The following BCAP31 variants were observed in gnomAD, a reference collection of about 807,000 sequenced individuals.
BCAP31 encodes the protein B-cell receptor-associated protein 31.
For missense variants in BCAP31, 124 were observed against 193.0 expected, an observed-to-expected ratio of 0.64 and a Z score of 2.12; for synonymous variants, 75 against 80.9, an observed-to-expected ratio of 0.93 and a Z score of 0.39.
chrX:153,720,568 T>C (rs1020844357), intron 3 of BCAP31, among the ~76,000 whole-genome samples: 2 of 111,583 alleles, frequency 1.8e-5, no homozygotes, highest in Non-Finnish European at 3.8e-5. Flanking sequence ...TTCACCACGT[T>C]GGCCAGGCTG....
chrX:153,711,098 C>T (rs1284336688), intron 4 of BCAP31, among the ~76,000 whole-genome samples: 3 of 112,122 alleles, frequency 2.7e-5, no homozygotes, highest in Non-Finnish European at 5.6e-5. Flanking sequence ...CACTCTGCAA[C>T]CAGCCCTCAC....
intron 7 of BCAP31, among the ~76,000 whole-genome samples, chrX:153,701,659 C>A (rs1379751865): frequency 8.9e-6 from 1 of 112,921 alleles, no homozygotes; most frequent in African/African-American, 3.2e-5. Flanking sequence ...CACTCCCCAG[C>A]ACCCTAGGAA....
At chrX:153,702,275 A>ATTTG (rs2091523672) in intron 6 of BCAP31, 168 bp from the exon 7 acceptor site, 4 of 430,042 alleles carry the variant, frequency 9.3e-6, no homozygotes, top group Non-Finnish European at 1.6e-5. Context: ...AGGCCCCCAA[A>ATTTG]GTAGAGGGAA....
At chrX:153,723,619 G>A (rs1411090338) in intron 1 of BCAP31, 2 of 1,167,817 alleles carry the variant, frequency 1.7e-6, no homozygotes, top group East Asian at 3.3e-5. Context: ...CGTTCTTCGG[G>A]AAGAGCAGTG....
chrX:153,722,552 A>G (rs2091674433), intron 2 of BCAP31, among the ~76,000 whole-genome samples: 1 of 112,368 alleles, frequency 8.9e-6, no homozygotes, highest in South Asian at 3.6e-4. Flanking sequence ...TTTTCACGAA[A>G]AAACGGCTTT....
intron 4 of BCAP31, among the ~76,000 whole-genome samples, chrX:153,714,569 A>C (rs1295404338): frequency 9.0e-6 from 1 of 111,054 alleles, no homozygotes; most frequent in Non-Finnish European, 1.9e-5. Context: ...ACAGATTTTA[A>C]GACAAGTAGT....
chrX:153,715,311 TGTGTGAGG>T (rs2091619311), intron 4 of BCAP31: 1 of 424,014 alleles, frequency 2.4e-6, no homozygotes, highest in Admixed American at 4.1e-5. Context: ...GAGTATGTGG[TGTGTGAGG>T]GTCTTCTGAT....
intron 4 of BCAP31, among the ~76,000 whole-genome samples, chrX:153,709,468 T>C (rs1557048764): frequency 8.9e-6 from 1 of 111,896 alleles, no homozygotes; most frequent in Non-Finnish European, 1.9e-5. Flanking sequence ...GCAGTGCAGG[T>C]CCTCTGAACA....
At chrX:153,714,544 C>G (rs952691969) in intron 4 of BCAP31, among the ~76,000 whole-genome samples, 1 of 110,821 alleles carries the variant, frequency 9.0e-6, no homozygotes, top group Admixed American at 9.6e-5. Context: ...CAGAGAGTAC[C>G]AGATCATCTA....
At chrX:153,706,719 T>C (rs2091557290) in intron 4 of BCAP31, among the ~76,000 whole-genome samples, 1 of 112,642 alleles carries the variant, frequency 8.9e-6, no homozygotes, top group Non-Finnish European at 1.9e-5. Context: ...GGCCTTCCCT[T>C]GTCCTGCCTG....
intron 4 of BCAP31, among the ~76,000 whole-genome samples, chrX:153,714,482 G>A (rs1200509228): frequency 8.1e-5 from 9 of 111,062 alleles, no homozygotes; most frequent in Non-Finnish European, 1.9e-5. Context: ...CCATTATCTT[G>A]AAAAAAATGT....
At chrX:153,721,147 GA>G (rs1313599135) in intron 2 of BCAP31, 175 bp from the exon 3 acceptor site, 25 of 429,188 alleles carry the variant, frequency 5.8e-5, no homozygotes, top group Non-Finnish European at 9.6e-5. Context: ...AAGACTATTG[GA>G]AAAAAGGCCA....
intron 5 of BCAP31, among the ~76,000 whole-genome samples, chrX:153,703,498 G>A (rs781889819): frequency 3.6e-4 from 41 of 113,101 alleles, no homozygotes; most frequent in Admixed American, 1.8e-3. Flanking sequence ...ACATCCCTCC[G>A]AGCTTGCCTT....
chrX:153,723,281 C>T lies in BCAP31; in HGVS notation c.-37G>A. On this transcript the variant is annotated 5_prime_UTR_variant, in exon 2 of 8. Transcript: ENST00000345046. The stretch of plus-strand genomic sequence containing the variant: ...AAGGTTTCCCACAGGAAGATGTGAG[C>T]TTGTTTCCTGGCAGGGCACAAAAGG... 8.3e-7 allele frequency: 1 copy of T among 1,198,747 alleles called. No individual in the cohort carries two copies. Among genetic ancestry groups the T allele is most frequent in the Non-Finnish European group, 1.1e-6 (1 of 888,617 alleles).
chrX:153,715,012 T>C (rs1349464472), intron 4 of BCAP31, among the ~76,000 whole-genome samples: 2 of 111,628 alleles, frequency 1.8e-5, no homozygotes, highest in African/African-American at 6.5e-5. Flanking sequence ...TTAAGGTACT[T>C]AGTTTTACCA....
At chrX:153,711,457 G>C (rs1557049133) in intron 4 of BCAP31, among the ~76,000 whole-genome samples, 1 of 112,486 alleles carries the variant, frequency 8.9e-6, no homozygotes, top group Non-Finnish European at 1.9e-5. Context: ...ATACCCACTA[G>C]GCAGGCTCTC....
intron 1 of BCAP31, chrX:153,723,967 T>A (rs1273788391): frequency 2.4e-6 from 1 of 425,391 alleles, no homozygotes; most frequent in Non-Finnish European, 4.3e-6. Flanking sequence ...CAAGGCCCCA[T>A]ACGGAGAAAG....
intron 4 of BCAP31, among the ~76,000 whole-genome samples, chrX:153,712,944 G>A (rs782573579): frequency 8.9e-5 from 10 of 111,912 alleles, no homozygotes; most frequent in African/African-American, 1.9e-4. Context: ...GGTGGCTCAC[G>A]CCTGTGATCC....
intron 1 of BCAP31, chrX:153,723,955 CT>C: frequency 4.3e-6 from 2 of 460,415 alleles, no homozygotes; most frequent in Non-Finnish European, 7.9e-6. Context: ...GACCAAGCAC[CT>C]CAAGGCCCCA....
Sources: gnomAD v4.1 joint callset for allele counts (sites outside exome capture counted in the v4.1 genomes callset) on GRCh38, gnomAD v4.1.1 for gene constraint, MANE v1.5 for transcripts, NCBI Gene and HGNC (gene_info 2026-07-23, HGNC 2026-07-21) for gene names.